The following CERS4 variants were observed in gnomAD, a reference collection of about 807,000 sequenced individuals.
CERS4 encodes LAG1 homolog, ceramide synthase 4.
In CERS4, 65 loss-of-function variants were observed where a neutral mutation model predicts 51.8. The observed-to-expected ratio is 1.26, with a 90% CI of 1.03 to 1.54. CERS4 has a LOEUF of 1.54. Among genes scored for constraint, CERS4 ranks in the 40% most tolerant of loss-of-function variants. The pLI is 0.00. For missense variants in CERS4, 563 were observed against 500.4 expected (o/e 1.13, Z -1.19); for synonymous variants, 228 against 208.4 (o/e 1.09, Z -0.81).
chr19:8,256,129 GA>G, intron 6 of CERS4, 106 bp from the exon 7 acceptor site: 1 of 1,233,670 alleles, frequency 8.1e-7, no homozygotes, highest in Non-Finnish European at 1.1e-6. Context: ...AGGGCTGGGT[GA>G]AGGTAGCATC....
chr19:8,221,873 T>TTTTG (rs1713854338), intron 2 of CERS4, among the ~76,000 whole-genome samples: 1 of 23,618 alleles, frequency 4.2e-5, no homozygotes, highest in African/African-American at 2.2e-4. Flanking sequence ...TTTTTTTATG[T>TTTTG]TTTTTTTTTT....
At chr19:8,221,969 C>A (rs911213807) in intron 2 of CERS4, among the ~76,000 whole-genome samples, 43 of 146,516 alleles carry the variant, frequency 2.9e-4, no homozygotes, top group African/African-American at 1.0e-3. Context: ...GCAAGCTCCG[C>A]CTCCCGGGTT....
chr19:8,224,277 C>A (rs989446354), intron 2 of CERS4, among the ~76,000 whole-genome samples: 2 of 151,340 alleles, frequency 1.3e-5, no homozygotes, highest in African/African-American at 4.9e-5. Flanking sequence ...TGTGGTGGCA[C>A]GCGCTTGTAA....
intron 10 of CERS4, 57 bp from the exon 11 acceptor site, chr19:8,261,631 A>G: frequency 6.2e-7 from 1 of 1,602,004 alleles, no homozygotes; most frequent in Non-Finnish European, 8.5e-7. Context: ...AATTCTTAGG[A>G]CTGGGGGCTA....
At chr19:8,213,249 A>G (rs929914251) in intron 2 of CERS4, among the ~76,000 whole-genome samples, 1 of 152,000 alleles carries the variant, frequency 6.6e-6, no homozygotes, top group Non-Finnish European at 1.5e-5. Context: ...GTCTGAAACT[A>G]TTGAGCTCAA....
intron 2 of CERS4, among the ~76,000 whole-genome samples, chr19:8,246,403 T>A (rs1164987134): frequency 6.6e-6 from 1 of 151,646 alleles, no homozygotes; most frequent in Non-Finnish European, 1.5e-5. Flanking sequence ...CACAAAAATT[T>A]AAAACATTAG....
intron 7 of CERS4, 115 bp from the exon 8 acceptor site, chr19:8,256,503 A>T (rs780476930): frequency 1.2e-4 from 134 of 1,081,718 alleles, no homozygotes; most frequent in Non-Finnish European, 1.7e-4. Flanking sequence ...TGGGGAGCTC[A>T]CTCATTGGGA....
At chr19:8,254,433 G>GCC in intron 3 of CERS4, 66 bp from the exon 4 acceptor site, 2 of 1,469,986 alleles carry the variant, frequency 1.4e-6, no homozygotes, top group African/African-American at 1.4e-5. Flanking sequence ...CAGCATGTCT[G>GCC]CCCCCACACA....
chr19:8,260,255 C>T (rs976943470), intron 10 of CERS4, among the ~76,000 whole-genome samples: 8 of 151,786 alleles, frequency 5.3e-5, no homozygotes, highest in Non-Finnish European at 7.4e-5. Flanking sequence ...AGTGCAATGG[C>T]GTGATCTCAG....
At chr19:8,252,054 T>G (rs1440019405) in intron 3 of CERS4, among the ~76,000 whole-genome samples, 1 of 118,888 alleles carries the variant, frequency 8.4e-6, no homozygotes. Flanking sequence ...TGGTGAAACC[T>G]CATCTCTATT....
intron 2 of CERS4, among the ~76,000 whole-genome samples, chr19:8,245,135 A>ACAAACAAAAAAAAC (rs1568523569): frequency 1.3e-5 from 2 of 150,194 alleles, no homozygotes; most frequent in African/African-American, 4.9e-5. Flanking sequence ...AAAAAAAAAA[A>ACAAACAAAAAAAAC]CACTCTTGGC....
chr19:8,238,405 A>AG (rs527345259), intron 2 of CERS4: 21 of 575,940 alleles, frequency 3.6e-5, no homozygotes, highest in Admixed American at 6.3e-5. Context: ...GAACTGGCCC[A>AG]GGGAAGAGGG....
Position 8,229,320 on chromosome 19 carries a change from C to T in CERS4, c.-2+18458C>T, listed in dbSNP as rs115641495. Among the ~76,000 whole-genome samples the T allele has an allele frequency of 8.8e-3, 1,340 of 152,210 alleles. 25 individuals carry two copies. The highest frequency in any genetic ancestry group is 0.031 in the African/African-American group (1,273 of 41,526). On this transcript the variant is annotated intron_variant, in intron 2 of 11. Transcript: ENST00000251363. ...AGGTTCACTGGCTCCCATCCCAACC[C>T]GGACCAGCTCCCTAGTATAACAACT... is the stretch of plus-strand genomic sequence containing the variant.
intron 10 of CERS4, among the ~76,000 whole-genome samples, chr19:8,259,602 A>G (rs575333522): frequency 6.6e-6 from 1 of 152,128 alleles, no homozygotes; most frequent in East Asian, 1.9e-4. Context: ...AGGCGAGAGA[A>G]GTGGGCAGAC....
At position 8,216,103 on chromosome 19, in the gene CERS4, G is replaced by C. The variant is rs182856713; in HGVS notation, c.-2+5241G>C. On this transcript the variant is annotated intron_variant, in intron 2 of 11. Transcript: ENST00000251363. ...CTCTTTAAAATTGTAGCCCTGCCAG[G>C]CACCGTGGCTCACACCTGTAATCCC... 8.3e-4 allele frequency among the ~76,000 whole-genome samples: 126 copies of C among 152,268 alleles called. 1 individual carries two copies. Among genetic ancestry groups the C allele is most frequent in the Non-Finnish European group, 1.6e-3 (107 of 68,012 alleles).
intron 2 of CERS4, among the ~76,000 whole-genome samples, chr19:8,218,454 G>A (rs1773868466): frequency 6.6e-6 from 1 of 152,230 alleles, no homozygotes; most frequent in Non-Finnish European, 1.5e-5. Context: ...TCCTAAAATT[G>A]AAGCAGACTC....
At chr19:8,214,790 C>T (rs1320919982) in intron 2 of CERS4, among the ~76,000 whole-genome samples, 1 of 151,950 alleles carries the variant, frequency 6.6e-6, no homozygotes, top group Non-Finnish European at 1.5e-5. Context: ...GCCAAGACTT[C>T]TCCTCCTCCC....
At chr19:8,209,522 C>A (rs1175346822) in intron 1 of CERS4, 28 bp downstream of exon 1, 1 of 151,922 alleles carries the variant, frequency 6.6e-6, no homozygotes, top group Non-Finnish European at 1.5e-5. Flanking sequence ...GCCGCGAACA[C>A]CGCCCCGAAC....
At chr19:8,238,341 G>A (rs931419152) in intron 2 of CERS4, among the ~76,000 whole-genome samples, 3 of 152,078 alleles carry the variant, frequency 2.0e-5, no homozygotes, top group East Asian at 1.9e-4. Flanking sequence ...GAAGAGCAGG[G>A]GAGGCCTCTT....
Sources: gnomAD v4.1 joint callset for allele counts (sites outside exome capture counted in the v4.1 genomes callset) on GRCh38, gnomAD v4.1.1 for gene constraint, MANE v1.5 for transcripts, NCBI Gene and HGNC (gene_info 2026-07-23, HGNC 2026-07-21) for gene names.